The following UBE2D2 variants were observed in gnomAD, a reference collection of about 807,000 sequenced individuals.
UBE2D2 encodes the protein ubiquitin-conjugating enzyme E2 D2.
UBE2D2 carries 2 observed loss-of-function variants against 24.2 expected under a neutral mutation model. The observed-to-expected ratio is 0.08, with a 90% CI of 0.03 to 0.26. The LOEUF (loss-of-function observed/expected upper bound fraction) is 0.26, where lower values mean the gene tolerates loss of function less well. UBE2D2 is among the 10% of genes least tolerant of loss of function. The pLI is 1.00. For synonymous variants in UBE2D2, 58 were observed against 56.5 expected, an observed-to-expected ratio of 1.03 and a Z score of -0.12; for missense variants, 44 against 177.6, an observed-to-expected ratio of 0.25 and a Z score of 4.28.
intron 2 of UBE2D2, 25 bp from the exon 3 acceptor site, chr5:139,614,561 T>G (rs751138216): frequency 6.2e-7 from 1 of 1,612,092 alleles, no homozygotes; most frequent in Admixed American, 1.7e-5. Flanking sequence ...TGTTACATGG[T>G]GACTTTTTTC....
intron 1 of UBE2D2, among the ~76,000 whole-genome samples, chr5:139,576,967 A>AT (rs57930268): frequency 0.015 from 1,440 of 96,704 alleles, 21 homozygotes; most frequent in African/African-American, 0.031. Flanking sequence ...TTTAACTTGA[A>AT]TTTTTTTTTT....
chr5:139,541,229 T>C, intron 1 of UBE2D2, among the ~76,000 whole-genome samples: 1 of 148,310 alleles, frequency 6.7e-6, no homozygotes, highest in South Asian at 2.2e-4. Context: ...ACCTGAGAGA[T>C]GGAGGTTGCA....
chr5:139,626,281 G>C (rs942094443), intron 6 of UBE2D2, among the ~76,000 whole-genome samples: 1 of 152,012 alleles, frequency 6.6e-6, no homozygotes, highest in Admixed American at 6.5e-5. Flanking sequence ...TGTTGCCCAG[G>C]CTGGTGTGAA....
At chr5:139,562,437 G>A (rs886386278) in intron 1 of UBE2D2, 3 of 1,292,796 alleles carry the variant, frequency 2.3e-6, no homozygotes, top group East Asian at 5.4e-5. Flanking sequence ...GGGAAGTAGA[G>A]GGAGAATCAT....
At chr5:139,570,436 G>T (rs1367278233) in intron 1 of UBE2D2, among the ~76,000 whole-genome samples, 1 of 152,096 alleles carries the variant, frequency 6.6e-6, no homozygotes, top group African/African-American at 2.4e-5. Context: ...TGCCTCCCAG[G>T]TTCAAGAGAT....
At chr5:139,542,033 A>T (rs114465279) in intron 1 of UBE2D2, among the ~76,000 whole-genome samples, 2,129 of 152,234 alleles carry the variant, frequency 0.014, 53 homozygotes, top group African/African-American at 0.048. Context: ...CTAAGTATAC[A>T]AAAAGTAGCC....
At chr5:139,527,417 T>A in intron 1 of UBE2D2, among the ~76,000 whole-genome samples, 1 of 152,210 alleles carries the variant, frequency 6.6e-6, no homozygotes, top group African/African-American at 2.4e-5. Flanking sequence ...AAGGTCTTAT[T>A]AATAGCAAAG....
intron 5 of UBE2D2, among the ~76,000 whole-genome samples, chr5:139,620,885 G>A (rs1188694901): frequency 6.6e-6 from 1 of 152,208 alleles, no homozygotes; most frequent in African/African-American, 2.4e-5. Context: ...TTTGTCAGAG[G>A]CTACTGAACT....
chr5:139,528,485 CCTAT>C (rs1338912326), intron 1 of UBE2D2, among the ~76,000 whole-genome samples: 1 of 152,222 alleles, frequency 6.6e-6, no homozygotes, highest in Non-Finnish European at 1.5e-5. Context: ...AGGCCAGTGG[CCTAT>C]CTCTCAAAAC....
chr5:139,623,007 G>T (rs1754544803), intron 5 of UBE2D2, among the ~76,000 whole-genome samples: 1 of 151,978 alleles, frequency 6.6e-6, no homozygotes, highest in Non-Finnish European at 1.5e-5. Context: ...TTCCAGACCA[G>T]CCTGACCAAC....
At chr5:139,616,099 G>A (rs1343795416) in intron 5 of UBE2D2, among the ~76,000 whole-genome samples, 5 of 150,148 alleles carry the variant, frequency 3.3e-5, no homozygotes, top group South Asian at 2.1e-4. Flanking sequence ...CTCCCAAAGC[G>A]CTGGGATTAC....
intron 1 of UBE2D2, among the ~76,000 whole-genome samples, chr5:139,541,181 C>T (rs1217780530): frequency 1.3e-5 from 2 of 151,414 alleles, no homozygotes; most frequent in African/African-American, 2.4e-5. Flanking sequence ...GCCTGTAATC[C>T]TAGCTACTTG....
At chr5:139,587,623 A>G (rs1487146249) in intron 1 of UBE2D2, among the ~76,000 whole-genome samples, 1 of 142,466 alleles carries the variant, frequency 7.0e-6, no homozygotes, top group Non-Finnish European at 1.5e-5. Flanking sequence ...CAGTGAGCCA[A>G]GGTCGCGCCA....
chr5:139,533,977 T>G (rs1227544396), intron 1 of UBE2D2, among the ~76,000 whole-genome samples: 1 of 151,382 alleles, frequency 6.6e-6, no homozygotes, highest in Non-Finnish European at 1.5e-5. Context: ...GAGACACGGT[T>G]TCACCATTTT....
chr5:139,613,890 T>G (rs1406664486), intron 2 of UBE2D2, among the ~76,000 whole-genome samples: 5 of 152,054 alleles, frequency 3.3e-5, no homozygotes, highest in East Asian at 3.9e-4. Context: ...GGCAAAACCT[T>G]GTCTCTACTA....
intron 1 of UBE2D2, among the ~76,000 whole-genome samples, chr5:139,544,620 C>T (rs188284738): frequency 4.0e-5 from 6 of 151,752 alleles, no homozygotes; most frequent in South Asian, 2.1e-4. Context: ...CACACACACA[C>T]ACACACACAC....
At chr5:139,558,948 C>T (rs1369137633), upstream of UBE2D2, among the ~76,000 whole-genome samples, 2 of 152,006 alleles carry the variant, frequency 1.3e-5, no homozygotes, top group Admixed American at 6.6e-5. Flanking sequence ...ACCACAGGTG[C>T]GTGCTACCAT....
Position 139,627,478 on chromosome 5 carries a change from T to G in UBE2D2, c.*677T>G, listed in dbSNP as rs1216618970. 6.5e-6 allele frequency: 1 copy of G among 152,730 alleles called. No homozygotes were observed. Among genetic ancestry groups the G allele is most frequent in the East Asian group, 1.9e-4 (1 of 5,208 alleles). The allele number at this position is 152,730 out of a possible 1,614,324, so 9.5% of individuals were successfully genotyped here. ...GCCCTTCTTTCTCTCTTCCATATTC[T>G]TTGGTTTGTATGTGGTTTCTCAGTT... On this transcript the variant is annotated 3_prime_UTR_variant, in exon 7 of 7. Coordinates refer to ENST00000398733, the MANE Select transcript of UBE2D2 (RefSeq NM_003339.3).
chr5:139,587,115 G>C (rs568122384), intron 1 of UBE2D2, among the ~76,000 whole-genome samples: 2 of 152,278 alleles, frequency 1.3e-5, no homozygotes, highest in Admixed American at 6.5e-5. Flanking sequence ...GCCATGCTGT[G>C]AGTGTTATAT....
Sources: gnomAD v4.1 joint callset for allele counts (sites outside exome capture counted in the v4.1 genomes callset) on GRCh38, gnomAD v4.1.1 for gene constraint, MANE v1.5 for transcripts, NCBI Gene and HGNC (gene_info 2026-07-23, HGNC 2026-07-21) for gene names.